The following TMC3 variants were observed in gnomAD, a reference collection of about 807,000 sequenced individuals.
TMC3 encodes transmembrane channel like 3.
Under a neutral mutation model 110.6 loss-of-function variants are expected in TMC3, and 98 were observed. The ratio of observed to expected loss-of-function variants is 0.89; its 90% CI spans 0.75 to 1.05. TMC3 has a LOEUF of 1.05. TMC3 is among the 50% of genes least tolerant of loss of function. The pLI, the probability that TMC3 is intolerant of heterozygous loss-of-function variation, is 0.00. For missense variants in TMC3, 1,319 were observed against 1,373.2 expected (o/e 0.96, Z 0.62); for synonymous variants, 489 against 513.1 (o/e 0.95, Z 0.63).
In TMC3 at chr15:81,332,301, A is replaced by G; in HGVS notation, c.*118T>C. 2 of 1,392,150 alleles carry G rather than the reference A, an allele frequency of 1.4e-6. No homozygotes were observed. The highest frequency in any genetic ancestry group is 1.9e-6 in the Non-Finnish European group (2 of 1,052,924). The allele number at this position is 1,392,150 out of a possible 1,614,324, so 86.2% of individuals were successfully genotyped here. On this transcript the variant is annotated 3_prime_UTR_variant, in exon 22 of 22. Coordinates refer to ENST00000359440, the MANE Select transcript of TMC3 (RefSeq NM_001080532.3). ...GGGCCTCAGCTAGCAGCCGCTGACC[A>G]TGCCCCTCAGGTCTCTAACACACTT...
chr15:81,338,888 C>G (rs553556857), intron 17 of TMC3, 108 bp from the exon 18 acceptor site: 1 of 1,174,614 alleles, frequency 8.5e-7, no homozygotes, highest in East Asian at 2.4e-5. Context: ...TAACATTCCT[C>G]AAATGATTTC....
rs563288717 is a variant in TMC3, at chr15:81,364,590, C to T, written c.313-2289G>A. Reference sequence around the variant, plus strand: ...GAGATATACCTAATGCTAGATGACACGTTAGTGGGTGCAGCGCACCAGCAT... The same window carrying T: ...GAGATATACCTAATGCTAGATGACATGTTAGTGGGTGCAGCGCACCAGCAT... On this transcript the variant is annotated intron_variant, in intron 3 of 21. Coordinates refer to ENST00000359440, the MANE Select transcript of TMC3 (RefSeq NM_001080532.3). Among the ~76,000 whole-genome samples, 202 of 149,672 alleles carry T rather than the reference C, an allele frequency of 1.3e-3. 1 individual carries two copies. Among genetic ancestry groups the T allele is most frequent in the African/African-American group, 4.8e-3 (194 of 40,504 alleles).
At chr15:81,344,681 A>G (rs1893785142) in intron 13 of TMC3, 85 bp downstream of exon 13, 3 of 1,355,334 alleles carry the variant, frequency 2.2e-6, no homozygotes, top group South Asian at 2.7e-5. Flanking sequence ...TTTCTATAAC[A>G]TAGGGGCAGT....
chr15:81,368,459 A>G, intron 2 of TMC3, 131 bp from the exon 3 acceptor site: 1 of 649,220 alleles, frequency 1.5e-6, no homozygotes, highest in South Asian at 1.7e-5. Flanking sequence ...ATGCCATGAG[A>G]GAATGGAGTT....
Position 81,333,162 on chromosome 15 carries a change from G to A in TMC3, c.2560C>T (p.Pro854Ser). 6.2e-7 allele frequency: 1 copy of A among 1,614,068 alleles called. No homozygotes were observed. Among genetic ancestry groups the A allele is most frequent in the Middle Eastern group, 1.7e-4 (1 of 6,060 alleles). ...TTHIEDVHSEPLFRKDFQQIN... is the reference protein window; with the variant it reads ...TTHIEDVHSESLFRKDFQQIN... ...TGCTGAAAGTCTTTTCGGAAAAGAG[G>A]TTCTGAGTGTACATCTTCGATGTGC... Residue 854 changes from proline to serine, a missense_variant, in exon 22 of 22, where the codon CCT (proline) becomes TCT (serine). Pro to Ser is a moderately conservative substitution (Grantham distance 74). Transcript: ENST00000359440.
chr15:81,356,686 G>C lies in TMC3; in HGVS notation c.744-92C>G, dbSNP rs558884978. The C allele has an allele frequency of 5.7e-6, 8 of 1,405,226 alleles. No homozygotes were observed. In the East Asian group the frequency reaches 2.0e-4, roughly 35 times the overall value. 87.0% of individuals were successfully genotyped at this position (1,405,226 alleles called of 1,614,324 possible). A position where few individuals can be genotyped will look rare whatever the true frequency, so the allele number is the denominator to read the frequency against. On this transcript the variant is annotated intron_variant, in intron 7 of 21. Transcript: ENST00000359440. The stretch of plus-strand genomic sequence containing the variant: ...GGAGCCTTTGTGTGAATTAGCATAG[G>C]CTGCACCCCTCTGGGTGGACGCAGC...
intron 15 of TMC3, 77 bp downstream of exon 15, chr15:81,343,201 C>T: frequency 1.2e-6 from 1 of 853,416 alleles, no homozygotes; most frequent in East Asian, 2.4e-5. Context: ...ATGGTCGTGT[C>T]CCATCTAGAC....
chr15:81,334,731 A>G lies in TMC3; in HGVS notation c.2448T>C (p.His816=). Residue 816 remains histidine (H), a synonymous_variant, in exon 21 of 22, where the codon CAT becomes CAC. Coordinates refer to ENST00000359440, the MANE Select transcript of TMC3 (RefSeq NM_001080532.3). ...CAGTGGAGCCTCACCTGTTAGTTTC[A>G]TGCTCTAGCCTGGATTTGGGGACCC... is the stretch of plus-strand genomic sequence containing the variant. The part of the protein sequence containing the change: ...LPGVPKSRLE[H]ETNRYLHGLC... 1 of 1,613,692 alleles carries G rather than the reference A, an allele frequency of 6.2e-7. No individual in the cohort carries two copies. The highest frequency in any genetic ancestry group is 8.5e-7 in the Non-Finnish European group (1 of 1,179,700).
chr15:81,372,293 C>T (rs1212148797), intron 2 of TMC3, among the ~76,000 whole-genome samples: 1 of 150,506 alleles, frequency 6.6e-6, no homozygotes, highest in African/African-American at 2.4e-5. Flanking sequence ...ACACACACAC[C>T]CCCAACACAG....
rs752265274 is a variant in TMC3, at chr15:81,355,605, G to A, written c.935+120C>T. On this transcript the variant is annotated intron_variant, in intron 9 of 21. Transcript: ENST00000359440. ...TTCCCTCAGATCACATTATGAGAAA[G>A]GAAGAAAGAAGAGCTGCCTGACAAT... 179 of 729,730 alleles carry A rather than the reference G, an allele frequency of 2.5e-4. 1 individual carries two copies. The highest frequency in any genetic ancestry group is 4.0e-4 in the Non-Finnish European group (169 of 421,402). 45.2% of individuals were successfully genotyped at this position (729,730 alleles called of 1,614,324 possible). A position where few individuals can be genotyped will look rare whatever the true frequency, so the allele number is the denominator to read the frequency against.
chr15:81,339,863 GTCCTT>G (rs1263927080), intron 16 of TMC3, among the ~76,000 whole-genome samples: 6 of 152,202 alleles, frequency 3.9e-5, no homozygotes, highest in African/African-American at 9.7e-5. Context: ...ATCCATCTGG[GTCCTT>G]ACCTAATGGT....
At position 81,362,314 on chromosome 15, in the gene TMC3, G is replaced by A. The variant is rs1337080017; in HGVS notation, c.313-13C>T. ...ATTTCCGCCAGAGCTAGACAAGAGG[G>A]GTCAGGATTAGAGAGGTCACGTACA... On this transcript the variant is annotated splice_polypyrimidine_tract_variant and intron_variant, in intron 3 of 21. Transcript: ENST00000359440. 6.8e-6 allele frequency: 11 copies of A among 1,607,316 alleles called. No individual in the cohort carries two copies. Among genetic ancestry groups the A allele is most frequent in the African/African-American group, 4.0e-5 (3 of 74,920 alleles).
At chr15:81,365,458 G>A (rs1894289772) in intron 3 of TMC3, among the ~76,000 whole-genome samples, 2 of 152,100 alleles carry the variant, frequency 1.3e-5, no homozygotes, top group South Asian at 4.1e-4. Context: ...AGATCACAAG[G>A]TCAGGAGTTC....
chr15:81,332,849 A>AGAG lies in TMC3; in HGVS notation c.2870_2872dup (p.Ser957_Leu958insPro). 6.2e-7 allele frequency: 1 copy of AGAG among 1,613,392 alleles called. No individual in the cohort carries two copies. Among genetic ancestry groups the AGAG allele is most frequent in the Non-Finnish European group, 8.5e-7 (1 of 1,179,876 alleles). ...GAGGTCTATCAGGGAGCGTGGGGGA[A>AGAG]GAGACCGTTTGATCCAATCTCTGCT... is the stretch of plus-strand genomic sequence containing the variant. On this transcript the variant is annotated inframe_insertion, in exon 22 of 22. Coordinates refer to ENST00000359440, the MANE Select transcript of TMC3 (RefSeq NM_001080532.3).
At position 81,341,486 on chromosome 15, in the gene TMC3, G is replaced by T. The variant is rs369680336; in HGVS notation, c.1748C>A (p.Ala583Glu). The T allele has an allele frequency of 4.3e-6, 7 of 1,610,972 alleles. No individual in the cohort carries two copies. The African/African-American group carries it at 6.7e-5, about 15-fold the overall frequency. The change falls in exon 16 of 22, where the codon GCG becomes GAG. Residue 583 changes from alanine (A) to glutamate (E), a missense_variant. Physicochemically the swap from Ala to Glu is moderately radical, Grantham distance 107. Transcript: ENST00000359440. The stretch of plus-strand genomic sequence containing the variant: ...CCCAATGAGTTTGAGAACGTTGAAC[G>T]CTGGGAGACATGGGGAGAAGAAGGC... ...MGAFFSPCLPAFNVLKLIGLM... is the reference protein window; with the variant it reads ...MGAFFSPCLPEFNVLKLIGLM...
chr15:81,349,935 C>T (rs538302328), intron 10 of TMC3, among the ~76,000 whole-genome samples: 1 of 134,576 alleles, frequency 7.4e-6, no homozygotes, highest in African/African-American at 2.9e-5. Context: ...CCAGCCTGGG[C>T]AACACAGCAA....
At chr15:81,355,574 A>G in intron 9 of TMC3, 151 bp downstream of exon 9, 2 of 620,712 alleles carry the variant, frequency 3.2e-6, no homozygotes, top group East Asian at 3.0e-5. Flanking sequence ...GGAAAAAATC[A>G]TTCAGTTCCC....
At chr15:81,368,102 T>G (rs2141425912) in intron 3 of TMC3, 151 bp downstream of exon 3, 3 of 534,272 alleles carry the variant, frequency 5.6e-6, no homozygotes, top group East Asian at 7.3e-5. Context: ...GCCCGGCTAA[T>G]TTTTGTATTT....
chr15:81,349,626 C>A, intron 10 of TMC3, 59 bp from the exon 11 acceptor site: 1 of 1,039,050 alleles, frequency 9.6e-7, no homozygotes, highest in Non-Finnish European at 1.3e-6. Context: ...CAGCCCTCAC[C>A]ATGTGCATTT....
Sources: allele counts gnomAD v4.1 joint callset (sites outside exome capture counted in the v4.1 genomes callset), GRCh38; gene constraint gnomAD v4.1.1; transcripts MANE v1.5; gene names NCBI Gene and HGNC (gene_info 2026-07-23, HGNC 2026-07-21).